MACROD2: variants seen among roughly 807,000 people sequenced by gnomAD.
MACROD2 encodes the protein ADP-ribose glycohydrolase MACROD2.
Under a neutral mutation model 70.4 loss-of-function variants are expected in MACROD2, and 36 were observed. That is an observed-to-expected ratio of 0.51 (90% CI 0.39 to 0.68). MACROD2 has a LOEUF of 0.68. MACROD2 is among the 30% of genes least tolerant of loss of function. The pLI, the probability that MACROD2 is intolerant of heterozygous loss-of-function variation, is 0.00. For missense variants in MACROD2, 496 were observed against 538.4 expected (o/e 0.92, Z 0.78); for synonymous variants, 172 against 178.8 (o/e 0.96, Z 0.30).
chr20:15,784,792 CTGAATT>C (rs888310584), intron 8 of MACROD2, among the ~76,000 whole-genome samples: 1 of 152,012 alleles, frequency 6.6e-6, no homozygotes, highest in African/African-American at 2.4e-5. Flanking sequence ...TTCAACTTTT[CTGAATT>C]TTGAAAATTT....
chr20:14,857,935 C>T (rs2073273062), intron 5 of MACROD2, among the ~76,000 whole-genome samples: 1 of 152,102 alleles, frequency 6.6e-6, no homozygotes, highest in African/African-American at 2.4e-5. Context: ...ATTCTCCTGC[C>T]TCAGCCTCCC....
rs1188560518 is a variant in MACROD2, at chr20:14,838,195, AC to A, written c.418+153238del. 3.9e-5 allele frequency among the ~76,000 whole-genome samples: 6 copies of A among 152,108 alleles called. No homozygotes were observed. The East Asian group carries it at 1.2e-3, about 29-fold the overall frequency. On this transcript the variant is annotated intron_variant, in intron 5 of 17. Transcript: ENST00000684519. Reference sequence around the variant, plus strand: ...ATTTTGCCCATCTCTTTTGTCAGGAACCATTAAATTCAGTGCCCAGAAAGAT... The same window carrying A: ...ATTTTGCCCATCTCTTTTGTCAGGAACATTAAATTCAGTGCCCAGAAAGAT...
At chr20:15,344,781 T>C (rs2078146927) in intron 6 of MACROD2, among the ~76,000 whole-genome samples, 1 of 152,204 alleles carries the variant, frequency 6.6e-6, no homozygotes, top group Non-Finnish European at 1.5e-5. Flanking sequence ...TAAGTAGCCA[T>C]AGAAAAAGAA....
chr20:15,401,863 G>A (rs2045935287), intron 6 of MACROD2, among the ~76,000 whole-genome samples: 1 of 152,184 alleles, frequency 6.6e-6, no homozygotes, highest in Admixed American at 6.5e-5. Context: ...TCCCAGTGAT[G>A]GATAGTTGAG....
At chr20:15,209,751 A>T (rs1312777673) in intron 5 of MACROD2, among the ~76,000 whole-genome samples, 2 of 152,006 alleles carry the variant, frequency 1.3e-5, no homozygotes, top group Non-Finnish European at 2.9e-5. Context: ...CACACATAAA[A>T]CCTCCAACTT....
At chr20:14,992,712 G>T (rs544114633) in intron 5 of MACROD2, among the ~76,000 whole-genome samples, 1 of 152,278 alleles carries the variant, frequency 6.6e-6, no homozygotes, top group East Asian at 1.9e-4. Flanking sequence ...TAATGCAGAA[G>T]AATTTAGAAC....
chr20:15,116,289 C>T (rs2075991201), intron 5 of MACROD2, among the ~76,000 whole-genome samples: 1 of 152,176 alleles, frequency 6.6e-6, no homozygotes, highest in African/African-American at 2.4e-5. Context: ...TCCTCCTCAG[C>T]CTACTCAACA....
intron 6 of MACROD2, among the ~76,000 whole-genome samples, chr20:15,238,822 T>C (rs1436307389): frequency 5.9e-5 from 9 of 152,228 alleles, no homozygotes; most frequent in Non-Finnish European, 1.3e-4. Context: ...TCTGTTCTTT[T>C]ATCAGGCTAG....
intron 3 of MACROD2, among the ~76,000 whole-genome samples, chr20:14,115,472 C>T (rs1269484209): frequency 6.6e-6 from 1 of 152,154 alleles, no homozygotes; most frequent in Non-Finnish European, 1.5e-5. Context: ...AATCCTCAAG[C>T]TAGACTTAGG....
chr20:14,387,038 T>C (rs1352418360), intron 3 of MACROD2, among the ~76,000 whole-genome samples: 1 of 152,218 alleles, frequency 6.6e-6, no homozygotes, highest in Non-Finnish European at 1.5e-5. Context: ...TTATTGATGT[T>C]CTCTGCTTAC....
At chr20:15,301,319 A>G (rs1303286260) in intron 6 of MACROD2, among the ~76,000 whole-genome samples, 4 of 152,194 alleles carry the variant, frequency 2.6e-5, no homozygotes, top group African/African-American at 9.6e-5. Context: ...ACTGGTCAGA[A>G]GGCCTCAGAG....
chr20:15,427,605 A>T (rs1289616805), intron 6 of MACROD2, among the ~76,000 whole-genome samples: 1 of 152,156 alleles, frequency 6.6e-6, no homozygotes, highest in Non-Finnish European at 1.5e-5. Flanking sequence ...TGTAGACCCA[A>T]TGATGGACCC....
At chr20:14,448,876 A>G (rs2084214528) in intron 3 of MACROD2, among the ~76,000 whole-genome samples, 1 of 152,120 alleles carries the variant, frequency 6.6e-6, no homozygotes, top group Admixed American at 6.6e-5. Flanking sequence ...ATTTGAATGT[A>G]TTAATTTTCT....
intron 3 of MACROD2, among the ~76,000 whole-genome samples, chr20:14,172,303 C>CTTTTTT (rs142877520): frequency 1.8e-5 from 2 of 112,208 alleles, no homozygotes; most frequent in African/African-American, 3.4e-5. Context: ...CATTCCGTAC[C>CTTTTTT]TTTTTTTTTT....
chr20:15,986,432 G>A (rs887891600), intron 13 of MACROD2, among the ~76,000 whole-genome samples: 3 of 152,274 alleles, frequency 2.0e-5, no homozygotes, highest in Admixed American at 2.0e-4. Flanking sequence ...TGTAAAATTT[G>A]AAAATTTCCA....
rs570684364 is a variant in MACROD2, at chr20:15,822,767, G to A, written c.646-39978G>A. On this transcript the variant is annotated intron_variant, in intron 8 of 17. Transcript: ENST00000684519. ...ATATTCAATCTGGCCTTTTGCGGGA[G>A]GAAGAAAGGAAGAGATTTTAGAGAC... 3.3e-5 allele frequency among the ~76,000 whole-genome samples: 5 copies of A among 152,164 alleles called. No homozygotes were observed. In the South Asian group the frequency reaches 1.0e-3, roughly 32 times the overall value.
intron 4 of MACROD2, among the ~76,000 whole-genome samples, chr20:14,676,506 C>A (rs754293884): frequency 2.6e-5 from 4 of 152,162 alleles, no homozygotes; most frequent in Non-Finnish European, 5.9e-5. Flanking sequence ...TAAATAAATT[C>A]TTTGAAACCA....
intron 5 of MACROD2, among the ~76,000 whole-genome samples, chr20:14,789,168 A>T (rs1176864559): frequency 6.6e-6 from 1 of 152,050 alleles, no homozygotes; most frequent in Non-Finnish European, 1.5e-5. Flanking sequence ...ATCCATTAAA[A>T]ATTTAGGCCT....
rs557175086 is a variant in MACROD2 at position 14,719,483 on chromosome 20, AAAAAG to A, written c.418+34528_418+34532del. Among the ~76,000 whole-genome samples, 359 of 151,688 alleles carry A rather than the reference AAAAAG, an allele frequency of 2.4e-3. 1 individual carries two copies. The highest frequency in any genetic ancestry group is 8.3e-3 in the African/African-American group (343 of 41,390). On this transcript the variant is annotated intron_variant, in intron 5 of 17. Coordinates refer to ENST00000684519, the MANE Select transcript of MACROD2 (RefSeq NM_001351661.2). ...TAGGCAAGATAGAAAGAAAAAAAAA[AAAAAG>A]AAAGAAAGAAAGAAAAAGAAAATAA...
Sources: allele counts gnomAD v4.1 joint callset (sites outside exome capture counted in the v4.1 genomes callset), GRCh38; gene constraint gnomAD v4.1.1; transcripts MANE v1.5; gene names NCBI Gene and HGNC (gene_info 2026-07-23, HGNC 2026-07-21).